TWIST2: variants seen among roughly 807,000 people sequenced by gnomAD.
The protein encoded by TWIST2 is twist-related protein 2.
In TWIST2, 1 loss-of-function variant was observed where a neutral mutation model predicts 11.6. The ratio of observed to expected loss-of-function variants is 0.09; its 90% CI spans 0.03 to 0.41. The LOEUF is 0.41. Among genes scored for constraint, TWIST2 ranks in the 10% least tolerant of loss-of-function variants. The probability of loss-of-function intolerance (pLI) is 0.98; values close to 1 mark genes in which losing one functional copy is unlikely to be tolerated. For missense variants in TWIST2, 168 were observed against 226.4 expected, an observed-to-expected ratio of 0.74 and a Z score of 1.66; for synonymous variants, 87 against 96.6, an observed-to-expected ratio of 0.90 and a Z score of 0.58.
chr2:238,854,573 G>C (rs1383837649), intron 1 of TWIST2, among the ~76,000 whole-genome samples: 1 of 152,158 alleles, frequency 6.6e-6, no homozygotes, highest in Non-Finnish European at 1.5e-5. Flanking sequence ...GAGAGGGGAG[G>C]GTTAGAGATC....
At chr2:238,874,690 T>G (rs1388188463) in intron 1 of TWIST2, among the ~76,000 whole-genome samples, 1 of 152,178 alleles carries the variant, frequency 6.6e-6, no homozygotes, top group Non-Finnish European at 1.5e-5. Context: ...CTTGGTACTT[T>G]GCTTGTTTCT....
At chr2:238,868,727 A>C (rs1359269029) in intron 1 of TWIST2, among the ~76,000 whole-genome samples, 1 of 151,936 alleles carries the variant, frequency 6.6e-6, no homozygotes, top group African/African-American at 2.4e-5. Context: ...TTGCCCACAC[A>C]CTCGGGCATT....
chr2:238,861,784 A>G (rs1692441584), intron 1 of TWIST2, among the ~76,000 whole-genome samples: 1 of 152,250 alleles, frequency 6.6e-6, no homozygotes, highest in Admixed American at 6.5e-5. Flanking sequence ...AAAGTTATTA[A>G]ATGGAAAATT....
intron 1 of TWIST2, among the ~76,000 whole-genome samples, chr2:238,876,639 A>T (rs1692809665): frequency 6.6e-6 from 1 of 152,246 alleles, no homozygotes; most frequent in East Asian, 1.9e-4. Flanking sequence ...TAGATAAAAT[A>T]TAAGAAACGT....
intron 1 of TWIST2, among the ~76,000 whole-genome samples, chr2:238,901,537 G>A (rs1473060402): frequency 2.0e-5 from 3 of 152,190 alleles, no homozygotes; most frequent in East Asian, 1.9e-4. Flanking sequence ...CAGCCTGGAT[G>A]TGCCCCCTGA....
chr2:238,885,084 T>C (rs1055840278), intron 1 of TWIST2, among the ~76,000 whole-genome samples: 8 of 152,214 alleles, frequency 5.3e-5, no homozygotes, highest in Admixed American at 5.2e-4. Context: ...CACCTTCTCA[T>C]GCCTCTCAGC....
At chr2:238,898,798 G>A (rs1014501742) in intron 1 of TWIST2, among the ~76,000 whole-genome samples, 2,930 of 152,340 alleles carry the variant, frequency 0.019, 85 homozygotes, top group African/African-American at 0.067. Context: ...GGGAGGCCCC[G>A]GGAGAAGTTG....
At position 238,867,651 on chromosome 2, in the gene TWIST2, G is replaced by C. The variant is rs1225771970; in HGVS notation, c.*35+18918G>C. Among the ~76,000 whole-genome samples the C allele has an allele frequency of 6.6e-6, 1 of 152,178 alleles. No individual in the cohort carries two copies. Among genetic ancestry groups the C allele is most frequent in the Non-Finnish European group, 1.5e-5 (1 of 68,032 alleles). On this transcript the variant is annotated intron_variant, in intron 1 of 1. Transcript: ENST00000612363. This position sits in a 1 kb window ranked among gnomAD's most constrained non-coding sequence, Gnocchi z 4.8. ...GTCCGAAGATTGAGATCACAGAGGG[G>C]TGGCCGAGGCTGGGGCACAGGCTGG...
Position 238,871,421 on chromosome 2 carries a change from A to G in TWIST2, c.*35+22688A>G, listed in dbSNP as rs371754200. Among the ~76,000 whole-genome samples the G allele has an allele frequency of 1.8e-3, 61 of 33,962 alleles. 6 individuals carry two copies. The highest frequency in any genetic ancestry group is 7.3e-3 in the African/African-American group (59 of 8,086). The allele number at this position is 33,962 out of a possible 152,430, so 22.3% of individuals were successfully genotyped here. ...CACCACACACCCCACACACACCACA[A>G]CCCCACACGCCACACACACACCTTA... On this transcript the variant is annotated intron_variant, in intron 1 of 1. Coordinates refer to ENST00000612363, the MANE Select transcript of TWIST2 (RefSeq NM_001271893.4).
chr2:238,886,985 C>T (rs1195742263), intron 1 of TWIST2: 1 of 152,098 alleles, frequency 6.6e-6, no homozygotes, highest in African/African-American at 2.4e-5. Context: ...CGAATCCACT[C>T]ATACATCTTG....
chr2:238,897,424 C>A (rs1324835416), intron 1 of TWIST2, among the ~76,000 whole-genome samples: 2 of 152,118 alleles, frequency 1.3e-5, no homozygotes, highest in Admixed American at 1.3e-4. Flanking sequence ...CCAAGTGGGA[C>A]CCCCTTGCCA....
intron 1 of TWIST2, among the ~76,000 whole-genome samples, chr2:238,874,324 T>C (rs1692765853): frequency 6.6e-6 from 1 of 152,236 alleles, no homozygotes; most frequent in Non-Finnish European, 1.5e-5. Flanking sequence ...AACTCAACTT[T>C]CCTGCTGTGG....
intron 1 of TWIST2, among the ~76,000 whole-genome samples, chr2:238,892,793 T>C (rs536358262): frequency 1.3e-5 from 2 of 152,324 alleles, no homozygotes; most frequent in South Asian, 4.1e-4. Flanking sequence ...CTAATATGTT[T>C]TTTTCCAATC....
At chr2:238,894,145 C>T (rs920512012) in intron 1 of TWIST2, among the ~76,000 whole-genome samples, 1 of 152,246 alleles carries the variant, frequency 6.6e-6, no homozygotes, top group Non-Finnish European at 1.5e-5. Context: ...TTCCTCCTCT[C>T]TCCAAGGGGA....
At chr2:238,892,808 C>T (rs1693162237) in intron 1 of TWIST2, among the ~76,000 whole-genome samples, 1 of 152,186 alleles carries the variant, frequency 6.6e-6, no homozygotes, top group Admixed American at 6.5e-5. Flanking sequence ...CCAATCACCA[C>T]CACAGGCCTC....
At chr2:238,909,161 AGTGTGGG>A (rs1693410996) in intron 1 of TWIST2, among the ~76,000 whole-genome samples, 15 of 67,886 alleles carry the variant, frequency 2.2e-4, no homozygotes, top group East Asian at 9.3e-4. Context: ...TGTGGTGTGT[AGTGTGGG>A]GTGTGTGTAG....
intron 1 of TWIST2, among the ~76,000 whole-genome samples, chr2:238,876,804 A>G (rs148553647): frequency 0.025 from 3,870 of 152,274 alleles, 155 homozygotes; most frequent in African/African-American, 0.088. Context: ...GGATTCATGT[A>G]TGCAATGAGG....
At chr2:238,879,103 C>T (rs1007871962) in intron 1 of TWIST2, among the ~76,000 whole-genome samples, 4 of 152,186 alleles carry the variant, frequency 2.6e-5, no homozygotes, top group Non-Finnish European at 4.4e-5. Flanking sequence ...GAGGTTGTCT[C>T]GGCCGTCCTG....
chr2:238,896,157 G>C (rs1693204581), intron 1 of TWIST2, among the ~76,000 whole-genome samples: 1 of 152,164 alleles, frequency 6.6e-6, no homozygotes, highest in East Asian at 1.9e-4. Flanking sequence ...GGGGAGAGAG[G>C]GGCGGGGATC....
Sources: allele counts gnomAD v4.1 joint callset (sites outside exome capture counted in the v4.1 genomes callset), GRCh38; gene constraint gnomAD v4.1.1; non-coding constraint Gnocchi (gnomAD v3.1); transcripts MANE v1.5; gene names NCBI Gene and HGNC (gene_info 2026-07-23, HGNC 2026-07-21).